TASOR: variants seen among roughly 807,000 people sequenced by gnomAD.
The protein encoded by TASOR is transcription activation suppressor, also known as protein TASOR.
TASOR carries 53 observed loss-of-function variants against 178.6 expected under a neutral mutation model. The ratio of observed to expected loss-of-function variants is 0.30; its 90% CI spans 0.24 to 0.37. The LOEUF (loss-of-function observed/expected upper bound fraction) is 0.37. TASOR is among the 10% of genes least tolerant of loss of function. TASOR has a pLI of 1.00. For missense variants in TASOR, 1,815 were observed against 1,971.4 expected, an observed-to-expected ratio of 0.92 and a Z score of 1.50; for synonymous variants, 713 against 696.2, an observed-to-expected ratio of 1.02 and a Z score of -0.38.
chr3:56,679,008 C>CA (rs5849163), intron 1 of TASOR, among the ~76,000 whole-genome samples: 3,699 of 116,706 alleles, frequency 0.032, 80 homozygotes, highest in Non-Finnish European at 0.05. Context: ...GCTCTGACTC[C>CA]AAAAAAAAAA....
intron 13 of TASOR, among the ~76,000 whole-genome samples, chr3:56,648,394 G>A (rs757941258): frequency 3.3e-5 from 5 of 152,132 alleles, no homozygotes; most frequent in Admixed American, 2.0e-4. Context: ...TTGGGAGACC[G>A]AGGCAGGAGG....
chr3:56,643,030 G>A (rs1020181818), intron 14 of TASOR, among the ~76,000 whole-genome samples: 1 of 151,904 alleles, frequency 6.6e-6, no homozygotes, highest in African/African-American at 2.4e-5. Flanking sequence ...TTGGAAGGCT[G>A]AGGAGGGTGG....
At chr3:56,624,731 C>A in intron 22 of TASOR, 88 bp from the exon 23 acceptor site, 2 of 1,545,998 alleles carry the variant, frequency 1.3e-6, no homozygotes, top group South Asian at 1.2e-5. Flanking sequence ...TTCACATTTT[C>A]AGAATCAAAG....
At position 56,623,242 on chromosome 3, in the gene TASOR, TTTAA is replaced by T. The variant is rs778906231; in HGVS notation, c.4804_4807del (p.Leu1602IlefsTer53). On this transcript the variant is annotated frameshift_variant, in exon 24 of 24. Coordinates refer to ENST00000683822, the MANE Select transcript of TASOR (RefSeq NM_001365635.2). LOFTEE classifies it high-confidence loss of function. ...AAAATGACTAAACTGATGGGACATA[TTTAA>T]TTGACTATGATAAACCTGAAAGTTA... The T allele has an allele frequency of 1.2e-6, 2 of 1,613,516 alleles. No homozygotes were observed. The highest frequency in any genetic ancestry group is 1.7e-6 in the Non-Finnish European group (2 of 1,179,900).
chr3:56,630,842 T>C (rs2076894567), intron 18 of TASOR, among the ~76,000 whole-genome samples: 1 of 143,746 alleles, frequency 7.0e-6, no homozygotes, highest in Admixed American at 7.6e-5. Flanking sequence ...CAAAACTCCG[T>C]CTCAATAAAT....
Position 56,640,035 on chromosome 3 carries a change from T to A in TASOR, c.2715A>T (p.Ser905=). ...EHGFRRQQSK[S]NNVEETEIHW... ...GTATTTCAGTCTCTTCAACATTATT[T>A]GACTTAGACTGTTGTCTACGAAATC... Residue 905 remains serine (S), a synonymous_variant, in exon 16 of 24, where the codon TCA becomes TCT. Transcript: ENST00000683822. The A allele has an allele frequency of 6.2e-7, 1 of 1,612,964 alleles. No individual in the cohort carries two copies. Among genetic ancestry groups the A allele is most frequent in the Non-Finnish European group, 8.5e-7 (1 of 1,179,416 alleles).
intron 14 of TASOR, among the ~76,000 whole-genome samples, chr3:56,642,025 T>C (rs1043287865): frequency 6.6e-6 from 1 of 152,214 alleles, no homozygotes; most frequent in African/African-American, 2.4e-5. Context: ...AATATGTGTA[T>C]TAATAACTAC....
chr3:56,658,255 C>CTTTA (rs1416993834), intron 11 of TASOR, among the ~76,000 whole-genome samples: 1 of 152,158 alleles, frequency 6.6e-6, no homozygotes, highest in Non-Finnish European at 1.5e-5. Context: ...TAGGATTTTA[C>CTTTA]TTTACTTCTT....
At chr3:56,623,626 A>C in intron 23 of TASOR, 60 bp from the exon 24 acceptor site, 2 of 1,540,234 alleles carry the variant, frequency 1.3e-6, no homozygotes, top group Non-Finnish European at 1.7e-6. Flanking sequence ...TTAAGTTTTA[A>C]AATTATACAC....
chr3:56,623,568 T>TA lies in TASOR; in HGVS notation c.4484-3dup. Reference sequence around the variant, plus strand: ...CCTTTTCATCGTTTTCTAAAAGAGCTACATTTAAAAAACAAAAAGTCCTCC... The same window carrying TA: ...CCTTTTCATCGTTTTCTAAAAGAGCTAACATTTAAAAAACAAAAAGTCCTCC... On this transcript the variant is annotated splice_region_variant and splice_polypyrimidine_tract_variant and intron_variant, in intron 23 of 23. Coordinates refer to ENST00000683822, the MANE Select transcript of TASOR (RefSeq NM_001365635.2). 1 of 1,560,886 alleles carries TA rather than the reference T, an allele frequency of 6.4e-7. No individual in the cohort carries two copies. The highest frequency in any genetic ancestry group is 8.6e-7 in the Non-Finnish European group (1 of 1,163,186).
chr3:56,676,752 A>G (rs2031335121), intron 1 of TASOR, among the ~76,000 whole-genome samples: 1 of 152,244 alleles, frequency 6.6e-6, no homozygotes. Flanking sequence ...GTAAAAAATT[A>G]GTCAAATCAT....
intron 23 of TASOR, 50 bp downstream of exon 23, chr3:56,624,429 T>C: frequency 6.3e-7 from 1 of 1,578,882 alleles, no homozygotes; most frequent in Non-Finnish European, 8.6e-7. Flanking sequence ...GCAAAACCAT[T>C]CCTCTTTTTC....
chr3:56,625,003 C>T lies in TASOR; in HGVS notation c.4143G>A (p.Leu1381=), dbSNP rs751586347. The change falls in exon 22 of 24, where the codon TTG becomes TTA. Residue 1381 remains leucine, a synonymous_variant. Coordinates refer to ENST00000683822, the MANE Select transcript of TASOR (RefSeq NM_001365635.2). ...FQKKLKELGR[L]NAKALSLLTL... ...TCAACAGACTTAGAGCTTTAGCATTCAATCTGTGAAATTAAGCAGTTCAGT... is the reference window on the plus strand; with the variant it reads ...TCAACAGACTTAGAGCTTTAGCATTTAATCTGTGAAATTAAGCAGTTCAGT... The T allele has an allele frequency of 2.0e-5, 32 of 1,613,114 alleles. No individual in the cohort carries two copies. Among genetic ancestry groups the T allele is most frequent in the Admixed American group, 1.7e-4 (10 of 59,858 alleles).
chr3:56,680,419 GA>G (rs2107647593), intron 1 of TASOR, among the ~76,000 whole-genome samples: 2 of 152,224 alleles, frequency 1.3e-5, no homozygotes, highest in South Asian at 4.1e-4. Context: ...ACCAAAAAAA[GA>G]ACTTTCTGAG....
intron 18 of TASOR, chr3:56,628,873 A>C (rs2076851189): frequency 1.4e-5 from 3 of 220,678 alleles, no homozygotes; most frequent in Non-Finnish European, 2.6e-5. Context: ...CCACCCTCCC[A>C]CCTCAGCCTC....
chr3:56,625,686 A>G (rs2076782426), intron 21 of TASOR, among the ~76,000 whole-genome samples: 1 of 151,258 alleles, frequency 6.6e-6, no homozygotes, highest in African/African-American at 2.4e-5. Flanking sequence ...GCTCTAAGCT[A>G]TTTCTTTTTT....
chr3:56,644,395 G>A (rs1225320766), intron 14 of TASOR, among the ~76,000 whole-genome samples: 1 of 152,112 alleles, frequency 6.6e-6, no homozygotes, highest in African/African-American at 2.4e-5. Context: ...ATAAACTAGA[G>A]GAGACCATTA....
intron 1 of TASOR, among the ~76,000 whole-genome samples, chr3:56,680,994 A>C (rs867516079): frequency 6.6e-6 from 1 of 151,954 alleles, no homozygotes; most frequent in Non-Finnish European, 1.5e-5. Flanking sequence ...AAAAACACAC[A>C]AACACAGTGC....
chr3:56,647,288 A>T (rs1289644226), intron 13 of TASOR, 65 bp from the exon 14 acceptor site: 2 of 1,270,782 alleles, frequency 1.6e-6, no homozygotes, highest in Non-Finnish European at 2.1e-6. Flanking sequence ...AATCAAATAC[A>T]GATCTAAATA....
Sources: gnomAD v4.1 joint callset for allele counts (sites outside exome capture counted in the v4.1 genomes callset) on GRCh38, gnomAD v4.1.1 for gene constraint, MANE v1.5 for transcripts, NCBI Gene and HGNC (gene_info 2026-07-23, HGNC 2026-07-21) for gene names.